The following BTBD9 variants were observed in gnomAD, a reference collection of about 807,000 sequenced individuals.
BTBD9 encodes the protein BTB/POZ domain-containing protein 9.
Under a neutral mutation model 64.3 loss-of-function variants are expected in BTBD9, and 49 were observed. The ratio of observed to expected loss-of-function variants is 0.76; its 90% CI spans 0.61 to 0.97. BTBD9 has a LOEUF of 0.97. Ranked by LOEUF, BTBD9 falls within the 50% of genes least tolerant of loss-of-function variation. The pLI, the probability that BTBD9 is intolerant of heterozygous loss-of-function variation, is 0.00. For synonymous variants in BTBD9, 260 were observed against 274.7 expected, an observed-to-expected ratio of 0.95 and a Z score of 0.53; for missense variants, 598 against 762.1, an observed-to-expected ratio of 0.78 and a Z score of 2.53.
At chr6:38,319,898 T>C (rs540937470) in intron 7 of BTBD9, among the ~76,000 whole-genome samples, 21 of 152,222 alleles carry the variant, frequency 1.4e-4, no homozygotes, top group African/African-American at 5.1e-4. Flanking sequence ...CTAGACAGCC[T>C]TTCAAGTTTA....
At chr6:38,593,120 G>C (rs896924170) in intron 3 of BTBD9, among the ~76,000 whole-genome samples, 1 of 152,074 alleles carries the variant, frequency 6.6e-6, no homozygotes, top group East Asian at 1.9e-4. Flanking sequence ...ACAGCAAAAA[G>C]AAAAACGCCA....
chr6:38,492,951 C>T (rs1189845557), intron 6 of BTBD9, among the ~76,000 whole-genome samples: 17 of 152,008 alleles, frequency 1.1e-4, no homozygotes, highest in Admixed American at 3.9e-4. Flanking sequence ...ATCTAGAATT[C>T]GATCTAAAAA....
intron 6 of BTBD9, among the ~76,000 whole-genome samples, chr6:38,369,625 G>C (rs7750675): frequency 0.014 from 2,154 of 152,348 alleles, 52 homozygotes; most frequent in African/African-American, 0.049. Context: ...AAAGATGTTT[G>C]TAATACTCAC....
intron 6 of BTBD9, among the ~76,000 whole-genome samples, chr6:38,400,266 C>G (rs1368309128): frequency 6.6e-6 from 1 of 152,122 alleles, no homozygotes; most frequent in African/African-American, 2.4e-5. Context: ...GATCCTTAAG[C>G]AACACACCTG....
intron 9 of BTBD9, among the ~76,000 whole-genome samples, chr6:38,236,581 C>G (rs942722406): frequency 6.6e-6 from 1 of 152,174 alleles, no homozygotes; most frequent in African/African-American, 2.4e-5. Flanking sequence ...AAAAGGGTCA[C>G]AAGAACTATA....
intron 6 of BTBD9, among the ~76,000 whole-genome samples, chr6:38,422,296 T>C (rs544199778): frequency 6.6e-6 from 1 of 152,280 alleles, no homozygotes; most frequent in East Asian, 1.9e-4. Flanking sequence ...TAAAATGAAC[T>C]CCTACCCAGC....
chr6:38,263,736 C>T (rs1418316561), intron 8 of BTBD9, among the ~76,000 whole-genome samples: 1 of 152,188 alleles, frequency 6.6e-6, no homozygotes, highest in Admixed American at 6.5e-5. Context: ...ATTCCAATGT[C>T]TGGTTTCAAA....
intron 4 of BTBD9, among the ~76,000 whole-genome samples, chr6:38,582,525 C>T (rs1569853): frequency 0.11 from 17,045 of 152,210 alleles, 1,171 homozygotes; most frequent in Non-Finnish European, 0.15. Context: ...AGTCTGCCTG[C>T]AGAGGCCCTG....
chr6:38,295,885 C>T (rs1582181962), intron 7 of BTBD9, among the ~76,000 whole-genome samples: 1 of 152,014 alleles, frequency 6.6e-6, no homozygotes, highest in African/African-American at 2.4e-5. Context: ...CCCATCTCTA[C>T]TAAAAATACA....
At chr6:38,607,799 C>T (rs987996397) in intron 1 of BTBD9, among the ~76,000 whole-genome samples, 4 of 150,628 alleles carry the variant, frequency 2.7e-5, no homozygotes, top group Non-Finnish European at 5.9e-5. Context: ...TTATAATTTG[C>T]CAAATTATTT....
At chr6:38,374,156 T>C (rs949838025) in intron 6 of BTBD9, among the ~76,000 whole-genome samples, 32 of 149,642 alleles carry the variant, frequency 2.1e-4, no homozygotes, top group Admixed American at 2.7e-4. Context: ...GTAATCCCAG[T>C]TACTTGGGAG....
At chr6:38,389,801 C>T (rs1766332787) in intron 6 of BTBD9, among the ~76,000 whole-genome samples, 1 of 152,114 alleles carries the variant, frequency 6.6e-6, no homozygotes, top group Admixed American at 6.5e-5. Flanking sequence ...CAGTATTGTA[C>T]ATTTTACAGG....
chr6:38,442,996 CAAGGATTTTTTAAAAA>C (rs971246852), intron 6 of BTBD9, among the ~76,000 whole-genome samples: 2 of 151,856 alleles, frequency 1.3e-5, no homozygotes, highest in African/African-American at 4.8e-5. Flanking sequence ...ATAAAAGGAT[CAAGGATTTTTTAAAAA>C]AAAATTGTAA....
chr6:38,632,665 C>T (rs1216479660), intron 1 of BTBD9, among the ~76,000 whole-genome samples: 5 of 152,204 alleles, frequency 3.3e-5, no homozygotes, highest in Non-Finnish European at 5.9e-5. Context: ...GGTGCAGTGA[C>T]TCACACCTGT....
At chr6:38,296,669 T>C (rs1302680499) in intron 7 of BTBD9, among the ~76,000 whole-genome samples, 1 of 152,188 alleles carries the variant, frequency 6.6e-6, no homozygotes, top group South Asian at 2.1e-4. Context: ...GTGTAGAATG[T>C]CCCTCAATTT....
chr6:38,494,130 A>C (rs1771830465), intron 6 of BTBD9, among the ~76,000 whole-genome samples: 1 of 152,222 alleles, frequency 6.6e-6, no homozygotes, highest in Non-Finnish European at 1.5e-5. Context: ...GCAGTAGCAC[A>C]GCGCCCTCCA....
intron 9 of BTBD9, among the ~76,000 whole-genome samples, chr6:38,212,864 C>T (rs138310374): frequency 1.3e-5 from 2 of 152,270 alleles, no homozygotes; most frequent in African/African-American, 4.8e-5. Context: ...CCCCCAGCAG[C>T]GCATTCCCTC....
intron 6 of BTBD9, among the ~76,000 whole-genome samples, chr6:38,533,818 T>C (rs1485596195): frequency 6.6e-6 from 1 of 151,840 alleles, no homozygotes. Context: ...AAAAAGGAAA[T>C]TGAAAAATTT....
At chr6:38,332,249 A>G (rs773921527) in intron 7 of BTBD9, among the ~76,000 whole-genome samples, 15 of 152,174 alleles carry the variant, frequency 9.9e-5, no homozygotes, top group Non-Finnish European at 1.9e-4. Flanking sequence ...TCACCTTGAG[A>G]TAAGATAAAT....
Sources: allele counts gnomAD v4.1 joint callset (sites outside exome capture counted in the v4.1 genomes callset), GRCh38; gene constraint gnomAD v4.1.1; transcripts MANE v1.5; gene names NCBI Gene and HGNC (gene_info 2026-07-23, HGNC 2026-07-21).